Variants in PARN observed in about 807,000 individuals in gnomAD.
The protein encoded by PARN is poly(A)-specific ribonuclease.
Under a neutral mutation model 102.8 loss-of-function variants are expected in PARN, and 71 were observed. That is an observed-to-expected ratio of 0.69 (90% CI 0.57 to 0.84). The LOEUF (loss-of-function observed/expected upper bound fraction) is 0.84, where lower values mean the gene tolerates loss of function less well. Ranked by LOEUF, PARN falls within the 40% of genes least tolerant of loss-of-function variation. The pLI, the probability that PARN is intolerant of heterozygous loss-of-function variation, is 0.00. For synonymous variants in PARN, 261 were observed against 252.9 expected, an observed-to-expected ratio of 1.03 and a Z score of -0.30; for missense variants, 782 against 760.9, an observed-to-expected ratio of 1.03 and a Z score of -0.33.
intron 21 of PARN, among the ~76,000 whole-genome samples, chr16:14,534,904 G>A (rs188864244): frequency 1.3e-5 from 2 of 149,096 alleles, no homozygotes; most frequent in East Asian, 1.9e-4. Context: ...GCGCCATCTC[G>A]GCTCACCACA....
chr16:14,623,668 C>T (rs1004001569), intron 5 of PARN, among the ~76,000 whole-genome samples: 2 of 151,748 alleles, frequency 1.3e-5, no homozygotes, highest in Non-Finnish European at 2.9e-5. Context: ...GAAACGCTGT[C>T]CCCATTAAAA....
chr16:14,448,389 C>T (rs577707558), intron 22 of PARN, among the ~76,000 whole-genome samples: 190 of 152,170 alleles, frequency 1.2e-3, no homozygotes, highest in African/African-American at 4.1e-3. Context: ...CCTCGTGATC[C>T]GCCCAACTTG....
intron 18 of PARN, among the ~76,000 whole-genome samples, chr16:14,559,574 T>A (rs1967926722): frequency 6.6e-6 from 1 of 150,860 alleles, no homozygotes; most frequent in Non-Finnish European, 1.5e-5. Flanking sequence ...CCAACGACAC[T>A]CTATTTAAAA....
intron 21 of PARN, among the ~76,000 whole-genome samples, chr16:14,483,124 T>G (rs1206047772): frequency 6.6e-6 from 1 of 152,200 alleles, no homozygotes; most frequent in East Asian, 1.9e-4. Flanking sequence ...ATTTTCAAAA[T>G]ATTTGCAGCC....
chr16:14,542,353 G>T (rs561012154), intron 21 of PARN, among the ~76,000 whole-genome samples: 15 of 149,164 alleles, frequency 1.0e-4, no homozygotes, highest in Non-Finnish European at 1.5e-5. Flanking sequence ...ACAGGGTCTC[G>T]CTGTATCTCT....
chr16:14,531,791 G>A (rs1013008591), intron 21 of PARN, among the ~76,000 whole-genome samples: 2 of 151,792 alleles, frequency 1.3e-5, no homozygotes, highest in African/African-American at 4.8e-5. Context: ...CTCAATACTT[G>A]GAAATTCTTT....
intron 21 of PARN, among the ~76,000 whole-genome samples, chr16:14,490,057 G>T (rs1315950194): frequency 2.0e-5 from 3 of 152,158 alleles, no homozygotes; most frequent in African/African-American, 7.2e-5. Context: ...ACTTGGAGGG[G>T]TGAGGCTGGA....
At chr16:14,465,625 T>G (rs1962297156) in intron 22 of PARN, among the ~76,000 whole-genome samples, 1 of 152,084 alleles carries the variant, frequency 6.6e-6, no homozygotes, top group African/African-American at 2.4e-5. Flanking sequence ...CCAACCAAAA[T>G]TTTACCAGAT....
chr16:14,444,257 T>G (rs2151553497), intron 23 of PARN, among the ~76,000 whole-genome samples: 1 of 152,218 alleles, frequency 6.6e-6, no homozygotes, highest in East Asian at 1.9e-4. Flanking sequence ...GAAAGCTCGA[T>G]TCACTCAAGT....
At chr16:14,491,804 A>G (rs919838043) in intron 21 of PARN, among the ~76,000 whole-genome samples, 1 of 152,140 alleles carries the variant, frequency 6.6e-6, no homozygotes, top group African/African-American at 2.4e-5. Flanking sequence ...GTAAACAAAT[A>G]AATGAATGAA....
Position 14,552,657 on chromosome 16 carries a change from T to TA in PARN, c.1406-563dup, listed in dbSNP as rs552912409. 3.9e-3 allele frequency among the ~76,000 whole-genome samples: 587 copies of TA among 151,964 alleles called. 4 individuals carry two copies. The highest frequency in any genetic ancestry group is 5.0e-3 in the Non-Finnish European group (343 of 67,960). ...TGCTTACACATAATCTTATTGAAAA[T>TA]AGTGTTAGAGGCCGGGCGCGGTGGC... is the stretch of plus-strand genomic sequence containing the variant. On this transcript the variant is annotated intron_variant, in intron 20 of 23. Coordinates refer to ENST00000437198, the MANE Select transcript of PARN (RefSeq NM_002582.4).
chr16:14,550,225 T>G (rs1257528715), intron 21 of PARN, among the ~76,000 whole-genome samples: 1 of 152,002 alleles, frequency 6.6e-6, no homozygotes, highest in Non-Finnish European at 1.5e-5. Flanking sequence ...TAAACCATCT[T>G]TCTAAGGATA....
chr16:14,608,173 C>G, intron 9 of PARN, 108 bp downstream of exon 9: 2 of 784,728 alleles, frequency 2.5e-6, no homozygotes, highest in Non-Finnish European at 4.2e-6. Flanking sequence ...GTAGTCAAAT[C>G]ACTGAGAACC....
chr16:14,607,025 C>T (rs370810941), intron 9 of PARN, among the ~76,000 whole-genome samples: 3 of 152,034 alleles, frequency 2.0e-5, no homozygotes, highest in East Asian at 3.9e-4. Flanking sequence ...TCGTGATCCT[C>T]CCGCCTGGGC....
intron 22 of PARN, among the ~76,000 whole-genome samples, chr16:14,455,747 G>A (rs1197849559): frequency 6.6e-6 from 1 of 152,192 alleles, no homozygotes. Context: ...TTGCAATATG[G>A]TGACAGTGAC....
At position 14,555,718 on chromosome 16, in the gene PARN, A is replaced by C. The variant is rs1967642171; in HGVS notation, c.1263-9T>G. The C allele has an allele frequency of 4.8e-6, 7 of 1,447,228 alleles. No homozygotes were observed. The highest frequency in any genetic ancestry group is 6.6e-6 in the Non-Finnish European group (7 of 1,063,710). The allele number at this position is 1,447,228 out of a possible 1,614,324, so 89.6% of individuals were successfully genotyped here. On this transcript the variant is annotated splice_polypyrimidine_tract_variant and intron_variant, in intron 18 of 23. Coordinates refer to ENST00000437198, the MANE Select transcript of PARN (RefSeq NM_002582.4). ...CCCTCATAAGAAATAACCTACAAGA[A>C]GAAAAGACAAACAAGTAATGGGCAA...
intron 23 of PARN, among the ~76,000 whole-genome samples, chr16:14,438,449 G>GGGC (rs1555475681): frequency 1.3e-5 from 2 of 150,082 alleles, no homozygotes; most frequent in Non-Finnish European, 3.0e-5. Context: ...GTTGGGGGGG[G>GGGC]GGGTGTGTGA....
intron 23 of PARN, among the ~76,000 whole-genome samples, chr16:14,438,659 C>T (rs1960817341): frequency 6.6e-6 from 1 of 152,216 alleles, no homozygotes; most frequent in Admixed American, 6.5e-5. Flanking sequence ...TGTGATACAG[C>T]AAAGTTGCTG....
intron 6 of PARN, among the ~76,000 whole-genome samples, chr16:14,613,506 C>A (rs1424253040): frequency 2.0e-5 from 3 of 151,968 alleles, no homozygotes. Context: ...GCCTATAGTC[C>A]CAGGTACTCA....
Sources: gnomAD v4.1 joint callset for allele counts (sites outside exome capture counted in the v4.1 genomes callset) on GRCh38, gnomAD v4.1.1 for gene constraint, MANE v1.5 for transcripts, NCBI Gene and HGNC (gene_info 2026-07-23, HGNC 2026-07-21) for gene names.